Variants in PPM1H observed in about 807,000 individuals in gnomAD.
The protein encoded by PPM1H is protein phosphatase, Mg2+/Mn2+ dependent 1H.
A neutral mutation model predicts 54.9 loss-of-function variants in PPM1H; 27 were observed. The ratio of observed to expected loss-of-function variants is 0.49; its 90% confidence interval spans 0.36 to 0.68. PPM1H has a LOEUF of 0.68. Among genes scored for constraint, PPM1H ranks in the 30% least tolerant of loss-of-function variants. PPM1H has a pLI of 0.00. For synonymous variants in PPM1H, 305 were observed against 270.8 expected, an observed-to-expected ratio of 1.13 and a Z score of -1.24; for missense variants, 596 against 667.8, an observed-to-expected ratio of 0.89 and a Z score of 1.19.
chr12:62,794,798 T>C (rs895514940), intron 3 of PPM1H, among the ~76,000 whole-genome samples: 1 of 152,142 alleles, frequency 6.6e-6, no homozygotes, highest in Admixed American at 6.5e-5. Flanking sequence ...AGAAGACACT[T>C]GTCTTATTTA....
intron 2 of PPM1H, among the ~76,000 whole-genome samples, chr12:62,822,720 A>G (rs914368220): frequency 2.6e-5 from 4 of 152,208 alleles, no homozygotes; most frequent in South Asian, 2.1e-4. Flanking sequence ...AACGTACCAG[A>G]ATCTCTGGGA....
At chr12:62,864,321 TGTAAG>T (rs1284823394) in intron 1 of PPM1H, among the ~76,000 whole-genome samples, 2 of 152,184 alleles carry the variant, frequency 1.3e-5, no homozygotes, top group East Asian at 1.9e-4. Context: ...GTACATAACT[TGTAAG>T]GTAAGAACTA....
chr12:62,856,092 T>C (rs1182751754), intron 1 of PPM1H, among the ~76,000 whole-genome samples: 2 of 152,236 alleles, frequency 1.3e-5, no homozygotes, highest in African/African-American at 4.8e-5. Context: ...TGCATTTGGA[T>C]GGCTTCTTCT....
chr12:62,696,180 C>T (rs1412997474), intron 6 of PPM1H, among the ~76,000 whole-genome samples: 1 of 152,190 alleles, frequency 6.6e-6, no homozygotes, highest in African/African-American at 2.4e-5. Flanking sequence ...TGCTCTATCA[C>T]AAGCCGGGTC....
At chr12:62,830,544 C>T (rs145071281) in intron 2 of PPM1H, among the ~76,000 whole-genome samples, 2,927 of 152,210 alleles carry the variant, frequency 0.019, 107 homozygotes, top group African/African-American at 0.065. Context: ...CGTGAGCCAC[C>T]GCACCCAGCC....
In PPM1H at chr12:62,817,131, A is replaced by G. The variant is rs1435210581; in HGVS notation, c.412-14971T>C. 6.2e-3 allele frequency among the ~76,000 whole-genome samples: 769 copies of G among 124,808 alleles called. 5 individuals are homozygous for G. The highest frequency in any genetic ancestry group is 0.019 in the African/African-American group (558 of 29,666). 81.9% of individuals were successfully genotyped at this position (124,808 alleles called of 152,430 possible). A position where few individuals can be genotyped will look rare whatever the true frequency, so the allele number is the denominator to read the frequency against. On this transcript the variant is annotated intron_variant, in intron 2 of 9. Transcript: ENST00000228705. ...ACTGCATTACTAAAAAAAAAAAAAA[A>G]AAAAAGAAAAAAAAAAAAACTAAAA...
Position 62,748,567 on chromosome 12 carries a change from C to CACA in PPM1H, c.870-10982_870-10981insTGT, listed in dbSNP as rs59465927. ...ACACACACACACACACACACACACACGTGTGAGGAAGGGCCTGCCATCATC... is the reference window on the plus strand; with the variant it reads ...ACACACACACACACACACACACACACACAGTGTGAGGAAGGGCCTGCCATCATC... On this transcript the variant is annotated intron_variant, in intron 4 of 9. Coordinates refer to ENST00000228705, the MANE Select transcript of PPM1H (RefSeq NM_020700.2). Among the ~76,000 whole-genome samples the CACA allele has an allele frequency of 5.3e-3, 792 of 148,414 alleles. 5 individuals are homozygous for CACA. Among genetic ancestry groups the CACA allele is most frequent in the African/African-American group, 0.019 (771 of 40,300 alleles).
At chr12:62,679,342 T>C (rs931150946) in intron 8 of PPM1H, among the ~76,000 whole-genome samples, 2 of 152,122 alleles carry the variant, frequency 1.3e-5, no homozygotes, top group South Asian at 2.1e-4. Context: ...GTGGTGGTGG[T>C]TGGGGGAGGC....
At chr12:62,792,486 G>A (rs1307172062) in intron 3 of PPM1H, among the ~76,000 whole-genome samples, 1 of 152,156 alleles carries the variant, frequency 6.6e-6, no homozygotes, top group Non-Finnish European at 1.5e-5. Flanking sequence ...GCATGCGTTT[G>A]CCACTTCCCT....
chr12:62,915,642 A>C (rs1181437593), intron 1 of PPM1H, among the ~76,000 whole-genome samples: 2 of 152,196 alleles, frequency 1.3e-5, no homozygotes, highest in Admixed American at 1.3e-4. Flanking sequence ...GCCCAGCAAG[A>C]GTCCTAAATA....
At chr12:62,680,649 C>A (rs950221632) in intron 8 of PPM1H, among the ~76,000 whole-genome samples, 1 of 152,190 alleles carries the variant, frequency 6.6e-6, no homozygotes, top group African/African-American at 2.4e-5. Flanking sequence ...CCAGCCCAGA[C>A]AGGTCTTCAG....
intron 5 of PPM1H, 40 bp from the exon 6 acceptor site, chr12:62,720,329 GTA>G: frequency 7.1e-7 from 1 of 1,411,992 alleles, no homozygotes; most frequent in Non-Finnish European, 9.9e-7. Flanking sequence ...ACACATACAC[GTA>G]TTTAGAGAAA....
At chr12:62,682,891 G>T (rs2076027478) in intron 8 of PPM1H, among the ~76,000 whole-genome samples, 1 of 150,932 alleles carries the variant, frequency 6.6e-6, no homozygotes, top group Non-Finnish European at 1.5e-5. Flanking sequence ...GCACAATCAT[G>T]GCTCACTGCA....
intron 6 of PPM1H, among the ~76,000 whole-genome samples, chr12:62,698,847 T>C (rs1325021073): frequency 6.6e-6 from 1 of 152,204 alleles, no homozygotes; most frequent in Non-Finnish European, 1.5e-5. Flanking sequence ...ATAGATATTT[T>C]ACCCTGAAGG....
chr12:62,779,730 G>T (rs540967054), intron 4 of PPM1H, among the ~76,000 whole-genome samples: 48 of 152,318 alleles, frequency 3.2e-4, no homozygotes, highest in African/African-American at 1.1e-3. Flanking sequence ...CAGAGTCCCT[G>T]CTCTTAACCA....
intron 1 of PPM1H, among the ~76,000 whole-genome samples, chr12:62,867,647 G>A (rs1358221669): frequency 7.5e-6 from 1 of 133,432 alleles, no homozygotes; most frequent in Non-Finnish European, 1.5e-5. Context: ...GCGCGATCTC[G>A]GCTCACTGCA....
intron 4 of PPM1H, among the ~76,000 whole-genome samples, chr12:62,778,802 G>A (rs1321141178): frequency 5.3e-5 from 8 of 152,112 alleles, no homozygotes; most frequent in Non-Finnish European, 1.0e-4. Context: ...ATGGTGGCAC[G>A]CACCTGTAAT....
At chr12:62,733,287 T>C (rs976377302) in intron 5 of PPM1H, among the ~76,000 whole-genome samples, 4 of 152,140 alleles carry the variant, frequency 2.6e-5, no homozygotes, top group African/African-American at 9.7e-5. Context: ...GGAGTCTTGC[T>C]CTGTTGCCCA....
chr12:62,682,920 C>T (rs1035594700), intron 8 of PPM1H, among the ~76,000 whole-genome samples: 7 of 151,936 alleles, frequency 4.6e-5, no homozygotes, highest in African/African-American at 1.7e-4. Context: ...CTTCCAGGCT[C>T]AAGTGATCCT....
Sources: gnomAD v4.1 joint callset for allele counts (sites outside exome capture counted in the v4.1 genomes callset) on GRCh38, gnomAD v4.1.1 for gene constraint, MANE v1.5 for transcripts, NCBI Gene and HGNC (gene_info 2026-07-23, HGNC 2026-07-21) for gene names.